The following MAST4 variants were observed in gnomAD, a reference collection of about 807,000 sequenced individuals.
MAST4 encodes microtubule-associated serine/threonine-protein kinase 4.
MAST4 carries 89 observed loss-of-function variants against 162.7 expected under a neutral mutation model. The observed-to-expected ratio is 0.55, with a 90% CI of 0.46 to 0.65. MAST4 has a LOEUF of 0.65. Ranked by LOEUF, MAST4 falls within the 30% of genes least tolerant of loss-of-function variation. The pLI, the probability that MAST4 is intolerant of heterozygous loss-of-function variation, is 0.00. For synonymous variants in MAST4, 1,479 were observed against 1,361.1 expected (o/e 1.09, Z -1.91); for missense variants, 3,153 against 3,374.0 (o/e 0.93, Z 1.62).
At chr5:66,813,421 A>C (rs1335477825) in intron 3 of MAST4, among the ~76,000 whole-genome samples, 1 of 152,230 alleles carries the variant, frequency 6.6e-6, no homozygotes, top group Non-Finnish European at 1.5e-5. Context: ...AAATGAAAGG[A>C]AACAGTTTAT....
chr5:66,932,126 T>A (rs1451447055), intron 4 of MAST4, among the ~76,000 whole-genome samples: 1 of 152,216 alleles, frequency 6.6e-6, no homozygotes, highest in African/African-American at 2.4e-5. Context: ...AACTGCAATT[T>A]GAATTATTTG....
intron 1 of MAST4, among the ~76,000 whole-genome samples, chr5:66,626,475 T>G (rs1246412133): frequency 6.6e-6 from 1 of 152,214 alleles, no homozygotes; most frequent in African/African-American, 2.4e-5. Context: ...GCTGCACTGT[T>G]AGTACATTTA....
intron 1 of MAST4, among the ~76,000 whole-genome samples, chr5:66,652,836 A>T (rs1203653665): frequency 6.6e-6 from 1 of 152,156 alleles, no homozygotes; most frequent in African/African-American, 2.4e-5. Context: ...TATTTGAGGG[A>T]AAAAAATTTG....
In MAST4 at chr5:66,845,126, T is replaced by TATATATATATATATATAC. The variant is rs1358855625; in HGVS notation, c.643-54824_643-54823insTATATATATATATATACA. On this transcript the variant is annotated intron_variant, in intron 3 of 28. Coordinates refer to ENST00000403625, the MANE Select transcript of MAST4 (RefSeq NM_001164664.2). Reference sequence around the variant, plus strand: ...ATATATATATATATATATATATATATACACACACACACTTGAAGTTCTAGG... The same window carrying TATATATATATATATATAC: ...ATATATATATATATATATATATATATATATATATATATATATACACACACACACACTTGAAGTTCTAGG... Among the ~76,000 whole-genome samples, 66 of 67,140 alleles carry TATATATATATATATATAC rather than the reference T, an allele frequency of 9.8e-4. 1 individual carries two copies. Among genetic ancestry groups the TATATATATATATATATAC allele is most frequent in the East Asian group, 2.4e-3 (3 of 1,256 alleles). 44.0% of individuals were successfully genotyped at this position (67,140 alleles called of 152,430 possible).
chr5:66,923,034 A>T (rs889296370), intron 4 of MAST4, among the ~76,000 whole-genome samples: 1 of 152,194 alleles, frequency 6.6e-6, no homozygotes, highest in East Asian at 1.9e-4. Flanking sequence ...TTTCTTTTAC[A>T]TGGTGCTTTC....
In MAST4 at chr5:67,166,709, G is replaced by A. The variant is rs1192705746; in HGVS notation, c.7530G>A (p.Glu2510=). The A allele has an allele frequency of 6.3e-7, 1 of 1,589,190 alleles. No individual in the cohort carries two copies. The highest frequency in any genetic ancestry group is 1.3e-5 in the African/African-American group (1 of 74,362). The change falls in exon 29 of 29, where the codon GAG becomes GAA. Residue 2510 remains glutamate (E), a synonymous_variant. Coordinates refer to ENST00000403625, the MANE Select transcript of MAST4 (RefSeq NM_001164664.2). The part of the protein sequence containing the change: ...RDHRKAQPAG[E]GRTHMTKSDS... ...ATAGGAAGGCTCAGCCTGCCGGGGA[G>A]GGCCGAACCCACATGACAAAGAGTG... is the stretch of plus-strand genomic sequence containing the variant.
At position 66,875,901 on chromosome 5, in the gene MAST4, A is replaced by G. The variant is rs566547195; in HGVS notation, c.643-24050A>G. ...CTCAGACTCCCAGGTAGCTAGGACT[A>G]CAGGTGCATACTGTCACACCCAGCT... On this transcript the variant is annotated intron_variant, in intron 3 of 28. Coordinates refer to ENST00000403625, the MANE Select transcript of MAST4 (RefSeq NM_001164664.2). 5.3e-5 allele frequency among the ~76,000 whole-genome samples: 8 copies of G among 152,278 alleles called. No individual in the cohort carries two copies. The East Asian group carries it at 1.4e-3, about 26-fold the overall frequency.
chr5:67,131,431 T>G (rs1561695343), intron 15 of MAST4, among the ~76,000 whole-genome samples: 1 of 152,190 alleles, frequency 6.6e-6, no homozygotes, highest in Non-Finnish European at 1.5e-5. Flanking sequence ...AAGAGTCGTT[T>G]GCCTAGGATG....
At chr5:67,144,482 A>ACT (rs1561160325) in intron 21 of MAST4, among the ~76,000 whole-genome samples, 187 bp from the exon 22 acceptor site, 4 of 150,166 alleles carry the variant, frequency 2.7e-5, no homozygotes, top group African/African-American at 9.7e-5. Flanking sequence ...ACACACACAC[A>ACT]CACACTCACT....
At chr5:67,153,412 G>C in intron 25 of MAST4, 46 bp from the exon 26 acceptor site, 1 of 1,572,822 alleles carries the variant, frequency 6.4e-7, no homozygotes, top group Non-Finnish European at 8.6e-7. Context: ...AGGTGTTAGA[G>C]TAGTCATTTG....
At chr5:66,694,793 G>T (rs751614324) in intron 1 of MAST4, among the ~76,000 whole-genome samples, 8 of 152,242 alleles carry the variant, frequency 5.3e-5, no homozygotes, top group South Asian at 2.1e-4. Context: ...AGCCAATCTT[G>T]AGCTTTTTCT....
intron 1 of MAST4, among the ~76,000 whole-genome samples, chr5:66,693,801 G>A (rs1253869853): frequency 6.6e-6 from 1 of 151,952 alleles, no homozygotes; most frequent in Non-Finnish European, 1.5e-5. Flanking sequence ...AAAAAAAACT[G>A]TAAGTGTACA....
chr5:66,677,002 G>T (rs755877269), intron 1 of MAST4, among the ~76,000 whole-genome samples: 2 of 152,140 alleles, frequency 1.3e-5, no homozygotes, highest in Non-Finnish European at 2.9e-5. Flanking sequence ...TCTGGTGGAG[G>T]GGTGGCTTTA....
intron 4 of MAST4, among the ~76,000 whole-genome samples, chr5:66,900,420 C>T (rs1279067031): frequency 6.6e-6 from 1 of 151,998 alleles, no homozygotes; most frequent in African/African-American, 2.4e-5. Flanking sequence ...ATTATTAGAT[C>T]TAGATCTTAT....
intron 3 of MAST4, among the ~76,000 whole-genome samples, chr5:66,876,727 G>C (rs1175942515): frequency 6.6e-6 from 1 of 152,120 alleles, no homozygotes; most frequent in East Asian, 1.9e-4. Context: ...TCCTAAAGAG[G>C]GCATGTTTGT....
At chr5:67,030,429 C>A (rs1025394742) in intron 4 of MAST4, among the ~76,000 whole-genome samples, 1 of 152,182 alleles carries the variant, frequency 6.6e-6, no homozygotes, top group Admixed American at 6.5e-5. Flanking sequence ...ATGACATAAT[C>A]ATCATTTTGG....
At chr5:66,661,278 ATG>A (rs1276561681) in intron 1 of MAST4, among the ~76,000 whole-genome samples, 1 of 152,116 alleles carries the variant, frequency 6.6e-6, no homozygotes, top group Non-Finnish European at 1.5e-5. Flanking sequence ...CATCCTTGGC[ATG>A]TGTGTGTTCC....
rs1756981225 is a variant in MAST4 at position 67,043,255 on chromosome 5, A to G, written c.675-11149A>G. On this transcript the variant is annotated intron_variant, in intron 4 of 28. Coordinates refer to ENST00000403625, the MANE Select transcript of MAST4 (RefSeq NM_001164664.2). ...TCTAGTGGTAGCAAGTTAAACTGAG[A>G]TTTAATTTCTGTATAGAGAAGGCTG... 2.6e-5 allele frequency among the ~76,000 whole-genome samples: 4 copies of G among 152,176 alleles called. No individual in the cohort carries two copies. In the South Asian group the frequency reaches 8.3e-4, roughly 32 times the overall value.
At chr5:67,054,864 G>A (rs551985923) in intron 5 of MAST4, among the ~76,000 whole-genome samples, 30 of 152,240 alleles carry the variant, frequency 2.0e-4, no homozygotes, top group African/African-American at 7.0e-4. Flanking sequence ...CCCTAAAATT[G>A]AACTTGTCTA....
Sources: allele counts gnomAD v4.1 joint callset (sites outside exome capture counted in the v4.1 genomes callset), GRCh38; gene constraint gnomAD v4.1.1; transcripts MANE v1.5; gene names NCBI Gene and HGNC (gene_info 2026-07-23, HGNC 2026-07-21).